The following MYH6 variants were observed in gnomAD, a reference collection of about 807,000 sequenced individuals.
MYH6 encodes myosin heavy chain 6.
In MYH6, 126 loss-of-function variants were observed where a neutral mutation model predicts 223.2. The observed-to-expected ratio is 0.56, with a 90% CI of 0.49 to 0.65. The LOEUF is 0.65. Among genes scored for constraint, MYH6 ranks in the 30% least tolerant of loss-of-function variants. The pLI is 0.00. For synonymous variants in MYH6, 978 were observed against 1,010.2 expected, an observed-to-expected ratio of 0.97 and a Z score of 0.61; for missense variants, 2,040 against 2,536.4, an observed-to-expected ratio of 0.80 and a Z score of 4.20.
At chr14:23,393,947 A>G in intron 21 of MYH6, 39 bp from the exon 22 acceptor site, 1 of 1,614,036 alleles carries the variant, frequency 6.2e-7, no homozygotes, top group Non-Finnish European at 8.5e-7. Flanking sequence ...ATGGTTAAAG[A>G]GAGGAGACCT....
intron 25 of MYH6, among the ~76,000 whole-genome samples, chr14:23,390,820 G>C (rs1438218306): frequency 6.6e-6 from 1 of 152,204 alleles, no homozygotes; most frequent in Non-Finnish European, 1.5e-5. Context: ...AGAGTCCCCA[G>C]ATTCACTAGG....
At chr14:23,395,075 G>A (rs1267763577) in intron 20 of MYH6, among the ~76,000 whole-genome samples, 2 of 152,206 alleles carry the variant, frequency 1.3e-5, no homozygotes, top group African/African-American at 2.4e-5. Context: ...ATGTTGGCCA[G>A]GCTGGTCTCC....
Position 23,387,983 on chromosome 14 carries a change from T to C in MYH6, c.4360-60A>G, listed in dbSNP as rs1033134674. On this transcript the variant is annotated intron_variant, in intron 30 of 38. Transcript: ENST00000405093. ...AGCCTTAGCTCCCCAGCCCTCCTGC[T>C]TCCCAGTGCCCCAGCCCCCAGCCTC... 3.7e-6 allele frequency: 6 copies of C among 1,608,576 alleles called. No homozygotes were observed. The African/African-American group carries it at 5.4e-5, about 14-fold the overall frequency.
chr14:23,392,560 A>G lies in MYH6; in HGVS notation c.3342+2T>C, dbSNP rs1408476463. 2 of 1,606,930 alleles carry G rather than the reference A, an allele frequency of 1.2e-6. No homozygotes were observed. The highest frequency in any genetic ancestry group is 1.3e-5 in the African/African-American group (1 of 74,272). ...CTTTCATGCACTGGGAAAAAAAGTC[A>G]CCTGGTTTTCCTTCAGTTTCTTCTG... On this transcript the variant is annotated splice_donor_variant, in intron 25 of 38. Transcript: ENST00000405093. LOFTEE classifies it high-confidence loss of function.
Position 23,407,080 on chromosome 14 carries a change from T to A in MYH6, c.144A>T (p.Lys48Asn). The A allele has an allele frequency of 1.2e-6, 2 of 1,614,256 alleles. No individual in the cohort carries two copies. The highest frequency in any genetic ancestry group is 8.5e-7 in the Non-Finnish European group (1 of 1,180,042). The change falls in exon 3 of 39, where the codon AAA (lysine) becomes AAT (asparagine). Residue 48 changes from lysine (K) to asparagine (N), a missense_variant. Lys to Asn is a moderately conservative substitution (Grantham distance 94, BLOSUM62 0). This residue lies in a region of MYH6 where 184 missense variants were observed against 232.4 expected (regional missense o/e 0.79). Transcript: ENST00000405093. The surrounding 1 kb of genome is among the most constrained non-coding windows in gnomAD (Gnocchi z 5.6). ...CTCCCTCCCGGGACAAAATCTTGGC[T>A]TTGACAAACTCTTCCTTGTCATCGG... The part of the protein sequence containing the change: ...FVPDDKEEFV[K>N]AKILSREGGK...
At chr14:23,401,957 G>A (rs1348264365) in intron 12 of MYH6, among the ~76,000 whole-genome samples, 3 of 152,174 alleles carry the variant, frequency 2.0e-5, no homozygotes, top group East Asian at 1.9e-4. Flanking sequence ...ATGTTCTTGG[G>A]CACCTGTCTA....
chr14:23,388,257 G>T lies in MYH6; in HGVS notation c.4257C>A (p.Thr1419=), dbSNP rs2138588608. 6.2e-7 allele frequency: 1 copy of T among 1,612,970 alleles called. No individual in the cohort carries two copies. Among genetic ancestry groups the T allele is most frequent in the Middle Eastern group, 2.0e-4 (1 of 5,012 alleles). ...VNAKCSSLEK[T]KHRLQNEIED... is the part of the protein sequence containing the mutation. ...CTATCTCATTCTGTAGCCGGTGCTT[G>T]GTCTTCTCCAGTGAGGAGCACTTGG... The change falls in exon 30 of 39, where the codon ACC becomes ACA. Residue 1419 remains threonine (T), a synonymous_variant. Coordinates refer to ENST00000405093, the MANE Select transcript of MYH6 (RefSeq NM_002471.4).
At chr14:23,403,253 C>T (rs1891665328) in intron 10 of MYH6, 95 bp downstream of exon 10, 3 of 1,036,640 alleles carry the variant, frequency 2.9e-6, no homozygotes, top group Admixed American at 3.4e-5. Flanking sequence ...CAAGGTGGGG[C>T]ACAGTGGGGA....
At chr14:23,406,648 G>A (rs377826) in intron 3 of MYH6, among the ~76,000 whole-genome samples, 5 of 152,310 alleles carry the variant, frequency 3.3e-5, no homozygotes, top group South Asian at 4.1e-4. Flanking sequence ...TTGGGTGAAC[G>A]GAATTTGAGA....
chr14:23,407,989 A>G lies in MYH6; in HGVS notation c.-47+264T>C, dbSNP rs145043879. Among the ~76,000 whole-genome samples, 7 of 152,324 alleles carry G rather than the reference A, an allele frequency of 4.6e-5. No individual in the cohort carries two copies. The highest frequency in any genetic ancestry group is 1.4e-4 in the African/African-American group (6 of 41,568). On this transcript the variant is annotated intron_variant, in intron 1 of 38. Transcript: ENST00000405093. The surrounding 1 kb of genome is among the most constrained non-coding windows in gnomAD (Gnocchi z 5.6). ...GAAGCCATCCAAAGGAGGAAGGAAG[A>G]TGGAAAGATGGAGACAACATGTAGG...
Position 23,407,921 on chromosome 14 carries a change from C to G in MYH6, c.-46-313G>C, listed in dbSNP as rs1169429460. ...AAAGAAGCATGATTGTGACAAGTGT[C>G]GATGAAGACCAAGAGGCAAGATAAA... On this transcript the variant is annotated intron_variant, in intron 1 of 38. Coordinates refer to ENST00000405093, the MANE Select transcript of MYH6 (RefSeq NM_002471.4). This position sits in a 1 kb window ranked among gnomAD's most constrained non-coding sequence, Gnocchi z 5.6. 1.3e-5 allele frequency among the ~76,000 whole-genome samples: 2 copies of G among 151,788 alleles called. No homozygotes were observed. Among genetic ancestry groups the G allele is most frequent in the Non-Finnish European group, 2.9e-5 (2 of 68,004 alleles).
intron 7 of MYH6, 130 bp downstream of exon 7, chr14:23,404,581 G>A: frequency 9.1e-7 from 1 of 1,098,658 alleles, no homozygotes; most frequent in Non-Finnish European, 1.4e-6. Context: ...CTTCCATACT[G>A]GGCTGACCAT....
chr14:23,387,953 CCCCCAGCCTTAGCT>C, intron 30 of MYH6, 30 bp from the exon 31 acceptor site: 1 of 1,611,876 alleles, frequency 6.2e-7, no homozygotes, highest in Non-Finnish European at 8.5e-7. Context: ...ACTCTTCAGC[CCCCCAGCCTTAGCT>C]CCCCAGCCCT....
Position 23,405,672 on chromosome 14 carries a change from C to A in MYH6, c.300G>T (p.Ala100=), listed in dbSNP as rs200520512. 1 of 1,614,180 alleles carries A rather than the reference C, an allele frequency of 6.2e-7. No homozygotes were observed. The highest frequency in any genetic ancestry group is 8.5e-7 in the Non-Finnish European group (1 of 1,180,022). Reference sequence around the variant, plus strand: ...AGCGCTCCTTGAGGTTGAAAAGCACCGCGGGCTCGTGCAGGAAGGTCAGCA... The same window carrying A: ...AGCGCTCCTTGAGGTTGAAAAGCACAGCGGGCTCGTGCAGGAAGGTCAGCA... ...MAMLTFLHEP[A]VLFNLKERYA... is the part of the protein sequence containing the mutation. Residue 100 remains alanine (A), a synonymous_variant, in exon 4 of 39, where the codon GCG becomes GCT. Coordinates refer to ENST00000405093, the MANE Select transcript of MYH6 (RefSeq NM_002471.4). This position sits in a 1 kb window ranked among gnomAD's most constrained non-coding sequence, Gnocchi z 4.7.
rs1156515171 is a variant in MYH6 at position 23,382,078 on chromosome 14, A to C, written c.5797-15T>G. On this transcript the variant is annotated splice_polypyrimidine_tract_variant and intron_variant, in intron 38 of 38. Transcript: ENST00000405093. ...TGCATTTTTTGCTGCAAAAAGAATA[A>C]GAGGTGTGAGGGGGCAGCTGGCAAG... 1 of 1,613,100 alleles carries C rather than the reference A, an allele frequency of 6.2e-7. No homozygotes were observed. Among genetic ancestry groups the C allele is most frequent in the South Asian group, 1.1e-5 (1 of 91,060 alleles).
chr14:23,398,709 G>T lies in MYH6; in HGVS notation c.1891+19C>A, dbSNP rs1401699414. On this transcript the variant is annotated intron_variant, in intron 15 of 38. Coordinates refer to ENST00000405093, the MANE Select transcript of MYH6 (RefSeq NM_002471.4). ...GTCTTCAGAAGTCCCCTGGCCCAGT[G>T]CAGGGGCTGCCTGCTTACCAGTATC... is the stretch of plus-strand genomic sequence containing the variant. 14 of 1,613,552 alleles carry T rather than the reference G, an allele frequency of 8.7e-6. No homozygotes were observed.
At chr14:23,406,071 T>C (rs1271337501) in intron 3 of MYH6, among the ~76,000 whole-genome samples, 2 of 151,966 alleles carry the variant, frequency 1.3e-5, no homozygotes, top group African/African-American at 4.8e-5. Context: ...GTTCCAAGGG[T>C]CTTGGGGCAG....
chr14:23,405,916 T>A lies in MYH6; in HGVS notation c.202-146A>T. On this transcript the variant is annotated intron_variant, in intron 3 of 38. Transcript: ENST00000405093. This position sits in a 1 kb window ranked among gnomAD's most constrained non-coding sequence, Gnocchi z 4.7. Reference sequence around the variant, plus strand: ...CAGTGCCCCGGCCCCTACCCCGATGTCCCCTGGGACACTTTCCCCAGGTAA... The same window carrying A: ...CAGTGCCCCGGCCCCTACCCCGATGACCCCTGGGACACTTTCCCCAGGTAA... The A allele has an allele frequency of 1.1e-6, 1 of 946,714 alleles. No individual in the cohort carries two copies. Among genetic ancestry groups the A allele is most frequent in the Non-Finnish European group, 1.7e-6 (1 of 599,474 alleles). 58.6% of individuals were successfully genotyped at this position (946,714 alleles called of 1,614,324 possible).
intron 27 of MYH6, 39 bp downstream of exon 27, chr14:23,389,554 T>C: frequency 6.2e-7 from 1 of 1,614,166 alleles, no homozygotes; most frequent in Non-Finnish European, 8.5e-7. Flanking sequence ...TCACAAGTCA[T>C]GTCCTGCCCT....
Sources: allele counts gnomAD v4.1 joint callset (sites outside exome capture counted in the v4.1 genomes callset), GRCh38; gene constraint gnomAD v4.1.1; regional missense constraint gnomAD v4.1.1; non-coding constraint Gnocchi (gnomAD v3.1); transcripts MANE v1.5; gene names NCBI Gene and HGNC (gene_info 2026-07-23, HGNC 2026-07-21).